The following YEATS2 variants were observed in gnomAD, a reference collection of about 807,000 sequenced individuals.
The protein encoded by YEATS2 is YEATS domain-containing protein 2.
Under a neutral mutation model 163.2 loss-of-function variants are expected in YEATS2, and 77 were observed. The observed-to-expected ratio is 0.47, with a 90% confidence interval of 0.39 to 0.57. YEATS2 has a LOEUF of 0.57. YEATS2 is among the 20% of genes least tolerant of loss of function. The pLI is 0.00. For synonymous variants in YEATS2, 631 were observed against 645.1 expected (o/e 0.98, Z 0.33); for missense variants, 1,549 against 1,729.8 (o/e 0.90, Z 1.85).
intron 15 of YEATS2, among the ~76,000 whole-genome samples, chr3:183,771,719 T>TA (rs1489516247): frequency 3.0e-5 from 1 of 32,878 alleles, no homozygotes; most frequent in African/African-American, 9.9e-5. Context: ...TACTGGCTAA[T>TA]TTTTTTTTTT....
intron 18 of YEATS2, among the ~76,000 whole-genome samples, chr3:183,776,396 T>C (rs1723003780): frequency 6.6e-6 from 1 of 151,662 alleles, no homozygotes; most frequent in African/African-American, 2.4e-5. Flanking sequence ...ATACCAAAAT[T>C]AGCTGGGCGT....
Position 183,778,635 on chromosome 3 carries a change from C to T in YEATS2, c.2736+935C>T, listed in dbSNP as rs1371861684. 3.3e-5 allele frequency among the ~76,000 whole-genome samples: 5 copies of T among 152,248 alleles called. No homozygotes were observed. The East Asian group carries it at 9.7e-4, about 29-fold the overall frequency. On this transcript the variant is annotated intron_variant, in intron 19 of 30. Coordinates refer to ENST00000305135, the MANE Select transcript of YEATS2 (RefSeq NM_018023.5). ...CCTCCGAAAGTGCTGGGATTACAGG[C>T]GTGATCCGCTCCTGGCCTTGTTTAG...
At chr3:183,730,356 T>G (rs1036090288) in intron 7 of YEATS2, among the ~76,000 whole-genome samples, 2 of 152,082 alleles carry the variant, frequency 1.3e-5, no homozygotes, top group African/African-American at 4.8e-5. Context: ...TGAGCTACCA[T>G]GTCCGGCCCA....
At chr3:183,789,643 C>G (rs1486713017) in intron 20 of YEATS2, among the ~76,000 whole-genome samples, 5 of 140,860 alleles carry the variant, frequency 3.5e-5, no homozygotes, top group Admixed American at 1.6e-4. Context: ...TCAAGTGATT[C>G]TCCTGCCTCA....
At chr3:183,750,643 A>C (rs932477599) in intron 9 of YEATS2, among the ~76,000 whole-genome samples, 1 of 152,084 alleles carries the variant, frequency 6.6e-6, no homozygotes, top group Non-Finnish European at 1.5e-5. Flanking sequence ...GTGATGTGAT[A>C]TCTTGTGGTT....
intron 5 of YEATS2, among the ~76,000 whole-genome samples, chr3:183,722,411 C>G (rs1044294489): frequency 6.6e-6 from 1 of 151,116 alleles, no homozygotes; most frequent in African/African-American, 2.4e-5. Context: ...GCTTCAGCCT[C>G]CTGAGTAGCT....
At chr3:183,805,797 A>AG (rs1013375803) in intron 27 of YEATS2, among the ~76,000 whole-genome samples, 18 of 150,316 alleles carry the variant, frequency 1.2e-4, no homozygotes, top group East Asian at 7.9e-4. Flanking sequence ...CAAAAAAAAA[A>AG]GGGGGGGCAA....
intron 1 of YEATS2, among the ~76,000 whole-genome samples, chr3:183,707,832 G>T (rs1714775989): frequency 6.6e-6 from 1 of 151,660 alleles, no homozygotes; most frequent in South Asian, 2.1e-4. Flanking sequence ...ATGCCACCAT[G>T]CCCAGCTAAT....
chr3:183,799,671 TA>T (rs1725476793), intron 23 of YEATS2, among the ~76,000 whole-genome samples: 1 of 152,126 alleles, frequency 6.6e-6, no homozygotes, highest in African/African-American at 2.4e-5. Context: ...TGTCCAAGCA[TA>T]GGGGATCTGA....
At chr3:183,757,622 TC>T (rs35781642) in intron 12 of YEATS2, among the ~76,000 whole-genome samples, 2 of 152,206 alleles carry the variant, frequency 1.3e-5, no homozygotes, top group African/African-American at 4.8e-5. Flanking sequence ...ACTATAAACT[TC>T]CCTGAAGTTT....
In YEATS2 at chr3:183,798,064, C is replaced by T. The variant is rs1305839204; in HGVS notation, c.3226+13C>T. The T allele has an allele frequency of 2.5e-6, 4 of 1,612,734 alleles. No homozygotes were observed. In the Admixed American group the frequency reaches 5.0e-5, roughly 20 times the overall value. On this transcript the variant is annotated intron_variant, in intron 22 of 30. Transcript: ENST00000305135. Reference sequence around the variant, plus strand: ...CCTGTGAATAAAGGTGAGTCCCTTGCCCACGGGTCGTCTGTGCTGTGGCTG... The same window carrying T: ...CCTGTGAATAAAGGTGAGTCCCTTGTCCACGGGTCGTCTGTGCTGTGGCTG...
intron 7 of YEATS2, 76 bp from the exon 8 acceptor site, chr3:183,736,642 C>A: frequency 2.1e-6 from 2 of 967,446 alleles, no homozygotes; most frequent in Non-Finnish European, 1.5e-6. Context: ...CTGATTTATG[C>A]ATTATCAGGA....
In YEATS2 at chr3:183,810,707, T is replaced by C. The variant is rs1726724626; in HGVS notation, c.*124T>C. The C allele has an allele frequency of 3.8e-6, 3 of 793,924 alleles. No individual in the cohort carries two copies. The highest frequency in any genetic ancestry group is 2.7e-5 in the East Asian group (1 of 37,078). The allele number at this position is 793,924 out of a possible 1,614,324, so 49.2% of individuals were successfully genotyped here. A position where few individuals can be genotyped will look rare whatever the true frequency, so the allele number is the denominator to read the frequency against. On this transcript the variant is annotated 3_prime_UTR_variant, in exon 31 of 31. Coordinates refer to ENST00000305135, the MANE Select transcript of YEATS2 (RefSeq NM_018023.5). Reference sequence around the variant, plus strand: ...CGGCATGTCATGGCTACCCAACCTTTGCCGCTGCCTGTTCCCACGTGTCAC... The same window carrying C: ...CGGCATGTCATGGCTACCCAACCTTCGCCGCTGCCTGTTCCCACGTGTCAC...
At chr3:183,741,190 C>T (rs1718922583) in intron 8 of YEATS2, among the ~76,000 whole-genome samples, 1 of 152,060 alleles carries the variant, frequency 6.6e-6, no homozygotes. Flanking sequence ...CCACCCGCCT[C>T]AGCCTCCCAA....
intron 19 of YEATS2, among the ~76,000 whole-genome samples, chr3:183,780,081 A>G (rs1285154807): frequency 6.7e-6 from 1 of 149,804 alleles, no homozygotes; most frequent in African/African-American, 2.5e-5. Context: ...GTGGTTTCAG[A>G]TTGCATAATA....
rs537212762 is a variant in YEATS2, at chr3:183,810,586, G to T, written c.*3G>T. On this transcript the variant is annotated 3_prime_UTR_variant, in exon 31 of 31. Coordinates refer to ENST00000305135, the MANE Select transcript of YEATS2 (RefSeq NM_018023.5). ...GAATATTGAATGAGGACCAGTGAGC[G>T]GAGTGAGGTGCCCTGGAGAAGCAGG... 6 of 1,612,652 alleles carry T rather than the reference G, an allele frequency of 3.7e-6. No homozygotes were observed. The highest frequency in any genetic ancestry group is 5.1e-6 in the Non-Finnish European group (6 of 1,178,918).
At chr3:183,793,864 C>G (rs1724901580) in intron 21 of YEATS2, among the ~76,000 whole-genome samples, 2 of 152,134 alleles carry the variant, frequency 1.3e-5, no homozygotes, top group South Asian at 2.1e-4. Flanking sequence ...CCGCCCGCCT[C>G]GGACTCCCAA....
intron 9 of YEATS2, 60 bp from the exon 10 acceptor site, chr3:183,752,013 T>G: frequency 6.3e-7 from 1 of 1,587,238 alleles, no homozygotes; most frequent in Non-Finnish European, 8.6e-7. Context: ...TGGACGGGAC[T>G]TGAGCTTTCT....
intron 15 of YEATS2, 92 bp downstream of exon 15, chr3:183,762,371 G>T (rs557838902): frequency 7.0e-7 from 1 of 1,438,270 alleles, no homozygotes; most frequent in East Asian, 2.3e-5. Context: ...ACGGTGACAG[G>T]GTTGATGATC....
Sources: gnomAD v4.1 joint callset for allele counts (sites outside exome capture counted in the v4.1 genomes callset) on GRCh38, gnomAD v4.1.1 for gene constraint, MANE v1.5 for transcripts, NCBI Gene and HGNC (gene_info 2026-07-23, HGNC 2026-07-21) for gene names.